TRPM3: variants seen among roughly 807,000 people sequenced by gnomAD.
The protein encoded by TRPM3 is long transient receptor potential channel 3.
A neutral mutation model predicts 181.2 loss-of-function variants in TRPM3; 77 were observed. That is an observed-to-expected ratio of 0.42 (90% confidence interval 0.35 to 0.51). The LOEUF is 0.51. TRPM3 is among the 20% of genes least tolerant of loss of function. The pLI, the probability that TRPM3 is intolerant of heterozygous loss-of-function variation, is 0.01. For synonymous variants in TRPM3, 745 were observed against 796.4 expected (o/e 0.94, Z 1.09); for missense variants, 1,759 against 2,196.7 (o/e 0.80, Z 3.98).
intron 1 of TRPM3, among the ~76,000 whole-genome samples, chr9:71,268,897 G>T (rs2083579009): frequency 6.6e-6 from 1 of 152,098 alleles, no homozygotes; most frequent in Non-Finnish European, 1.5e-5. Flanking sequence ...AGTGATATTT[G>T]CACTAAACTT....
chr9:71,384,290 A>G (rs2092876292), intron 1 of TRPM3, among the ~76,000 whole-genome samples: 1 of 152,198 alleles, frequency 6.6e-6, no homozygotes, highest in Non-Finnish European at 1.5e-5. Context: ...TTGAGTCAAT[A>G]ACCTCTTTGG....
chr9:70,896,053 A>G (rs1473579697), intron 1 of TRPM3, among the ~76,000 whole-genome samples: 1 of 152,212 alleles, frequency 6.6e-6, no homozygotes, highest in African/African-American at 2.4e-5. Context: ...TATATAAGTG[A>G]TGGGTCACAA....
At chr9:70,577,835 C>A (rs538548852) in intron 22 of TRPM3, among the ~76,000 whole-genome samples, 1 of 152,136 alleles carries the variant, frequency 6.6e-6, no homozygotes, top group Non-Finnish European at 1.5e-5. Context: ...AGAATAGAAC[C>A]GCATGCACCA....
intron 9 of TRPM3, among the ~76,000 whole-genome samples, chr9:70,680,282 C>T (rs572394289): frequency 1.1e-4 from 16 of 152,214 alleles, no homozygotes; most frequent in African/African-American, 3.6e-4. Flanking sequence ...AAAATAGCTC[C>T]TATATCATTT....
At chr9:70,678,862 C>T (rs555086497) in intron 9 of TRPM3, among the ~76,000 whole-genome samples, 68 of 152,308 alleles carry the variant, frequency 4.5e-4, no homozygotes, top group African/African-American at 1.6e-3. Flanking sequence ...TCTTGGCCTC[C>T]GAAGAAGCCA....
At chr9:70,892,972 C>G (rs2132877764) in intron 1 of TRPM3, among the ~76,000 whole-genome samples, 1 of 152,236 alleles carries the variant, frequency 6.6e-6, no homozygotes, top group Non-Finnish European at 1.5e-5. Context: ...ATCTACTCTA[C>G]TTTACAAGGT....
chr9:71,327,115 G>A (rs752452943), intron 1 of TRPM3, among the ~76,000 whole-genome samples: 4 of 152,212 alleles, frequency 2.6e-5, no homozygotes, highest in Non-Finnish European at 5.9e-5. Flanking sequence ...CTGCTGTTTG[G>A]AGTTAGGCTG....
intron 1 of TRPM3, among the ~76,000 whole-genome samples, chr9:71,133,952 T>C (rs1387457870): frequency 1.3e-5 from 2 of 151,598 alleles, no homozygotes; most frequent in Non-Finnish European, 1.5e-5. Flanking sequence ...TTATTTTGCC[T>C]ACTATCTAAA....
chr9:71,308,831 C>T, intron 1 of TRPM3, among the ~76,000 whole-genome samples: 1 of 147,300 alleles, frequency 6.8e-6, no homozygotes, highest in Non-Finnish European at 1.5e-5. Context: ...GACAACAATT[C>T]TAATGCATTG....
At chr9:71,402,874 C>G (rs1463519913) in intron 1 of TRPM3, among the ~76,000 whole-genome samples, 2 of 151,926 alleles carry the variant, frequency 1.3e-5, no homozygotes, top group Non-Finnish European at 1.5e-5. Context: ...TGAATCAGAG[C>G]CAGTGCACAG....
At chr9:71,120,955 G>C (rs1046715216) in intron 1 of TRPM3, among the ~76,000 whole-genome samples, 2 of 151,260 alleles carry the variant, frequency 1.3e-5, no homozygotes, top group Non-Finnish European at 2.9e-5. Context: ...TCCTTCTCGA[G>C]TGTGGTTCGC....
At chr9:70,754,245 T>C (rs1179571401) in intron 8 of TRPM3, among the ~76,000 whole-genome samples, 3 of 152,146 alleles carry the variant, frequency 2.0e-5, no homozygotes, top group Non-Finnish European at 4.4e-5. Flanking sequence ...TGTGTCCCCT[T>C]TTCCTGGTCT....
chr9:71,023,598 G>A (rs1183470062), intron 1 of TRPM3, among the ~76,000 whole-genome samples: 1 of 151,938 alleles, frequency 6.6e-6, no homozygotes, highest in African/African-American at 2.4e-5. Flanking sequence ...CCTTCAACAG[G>A]TGGCATGTTA....
At position 70,621,228 on chromosome 9, in the gene TRPM3, T is replaced by G. The variant is rs1264328437; in HGVS notation, c.1839+16A>C. 1 of 1,582,240 alleles carries G rather than the reference T, an allele frequency of 6.3e-7. No individual in the cohort carries two copies. The highest frequency in any genetic ancestry group is 1.8e-5 in the Admixed American group (1 of 56,668). ...AGAATAAATCATTGACACTAATAAT[T>G]TGGACAAACACTTACCTCCATTCCC... is the stretch of plus-strand genomic sequence containing the variant. On this transcript the variant is annotated intron_variant, in intron 15 of 25. Coordinates refer to ENST00000677713, the MANE Select transcript of TRPM3 (RefSeq NM_001366145.2).
At chr9:70,598,705 G>A (rs1410080503) in intron 20 of TRPM3, 35 bp from the exon 21 acceptor site, 1 of 1,594,346 alleles carries the variant, frequency 6.3e-7, no homozygotes, top group Non-Finnish European at 8.6e-7. Flanking sequence ...GTTAGGTCTG[G>A]TTTCTGTCTG....
intron 6 of TRPM3, among the ~76,000 whole-genome samples, chr9:70,786,137 T>C (rs2083531794): frequency 6.6e-6 from 1 of 151,672 alleles, no homozygotes; most frequent in Non-Finnish European, 1.5e-5. Context: ...CCTATTATGA[T>C]GATTGAGTAA....
chr9:70,961,498 C>A (rs370572353), intron 1 of TRPM3, among the ~76,000 whole-genome samples: 1 of 152,134 alleles, frequency 6.6e-6, no homozygotes. Context: ...GCTTGTTCAC[C>A]CAGGGTGTTT....
At chr9:70,871,109 A>C (rs1380391306) in intron 1 of TRPM3, among the ~76,000 whole-genome samples, 1 of 151,788 alleles carries the variant, frequency 6.6e-6, no homozygotes, top group African/African-American at 2.4e-5. Context: ...AGTTTTCTAG[A>C]GAAACAAAGG....
intron 4 of TRPM3, among the ~76,000 whole-genome samples, chr9:70,845,724 A>G (rs2094926493): frequency 6.6e-6 from 1 of 152,150 alleles, no homozygotes; most frequent in African/African-American, 2.4e-5. Flanking sequence ...TGCCAAAAAC[A>G]TTTACAGGCA....
Sources: gnomAD v4.1 joint callset for allele counts (sites outside exome capture counted in the v4.1 genomes callset) on GRCh38, gnomAD v4.1.1 for gene constraint, MANE v1.5 for transcripts, NCBI Gene and HGNC (gene_info 2026-07-23, HGNC 2026-07-21) for gene names.